The following ZNF771 variants were observed in gnomAD, a reference collection of about 807,000 sequenced individuals.
The protein encoded by ZNF771 is zinc finger protein 771, also known as mesenchymal stem cell protein DSC43.
A neutral mutation model predicts 27.6 loss-of-function variants in ZNF771; 10 were observed. The observed-to-expected ratio is 0.36, with a 90% CI of 0.22 to 0.61. The LOEUF (loss-of-function observed/expected upper bound fraction) is 0.61. Ranked by LOEUF, ZNF771 falls within the 20% of genes least tolerant of loss-of-function variation. The pLI, the probability that ZNF771 is intolerant of heterozygous loss-of-function variation, is 0.70. For synonymous variants in ZNF771, 261 were observed against 225.2 expected, an observed-to-expected ratio of 1.16 and a Z score of -1.43; for missense variants, 438 against 503.7, an observed-to-expected ratio of 0.87 and a Z score of 1.25.
chr16:30,410,378 G>C (rs984788704), intron 2 of ZNF771, among the ~76,000 whole-genome samples: 4 of 152,154 alleles, frequency 2.6e-5, no homozygotes, highest in African/African-American at 9.7e-5. Flanking sequence ...TGGGATTACA[G>C]GCGTGAGCCA....
At position 30,417,876 on chromosome 16, in the gene ZNF771, C is replaced by T. The variant is rs866202052; in HGVS notation, c.463C>T (p.Arg155Cys). 10 of 1,509,962 alleles carry T rather than the reference C, an allele frequency of 6.6e-6. No individual in the cohort carries two copies. Among genetic ancestry groups the T allele is most frequent in the Non-Finnish European group, 8.8e-6 (10 of 1,138,072 alleles). 93.5% of individuals were successfully genotyped at this position (1,509,962 alleles called of 1,614,324 possible). Reference protein sequence around the residue: ...KPYACAHCGRRFAQSSNYAQH... With the variant: ...KPYACAHCGRCFAQSSNYAQH... ...GTACGCATGCGCGCACTGCGGCCGC[C>T]GCTTCGCGCAGAGCTCCAACTACGC... The change falls in exon 3 of 3, where the codon CGC becomes TGC. Residue 155 changes from arginine (R) to cysteine (C), a missense_variant. Arg to Cys is a radical substitution (Grantham distance 180). Coordinates refer to ENST00000319296, the MANE Select transcript of ZNF771 (RefSeq NM_001142305.2).
At chr16:30,415,201 G>T (rs2050127152) in intron 2 of ZNF771, among the ~76,000 whole-genome samples, 1 of 150,556 alleles carries the variant, frequency 6.6e-6, no homozygotes, top group African/African-American at 2.4e-5. Flanking sequence ...CAAGTGATCC[G>T]CCCACCTCGA....
Position 30,417,587 on chromosome 16 carries a change from C to G in ZNF771, c.174C>G (p.Asp58Glu). Residue 58 changes from aspartate to glutamate, a missense_variant, in exon 3 of 3, where the codon GAC (aspartate) becomes GAG (glutamate). Asp to Glu is a conservative substitution (Grantham distance 45). Transcript: ENST00000319296. The stretch of plus-strand genomic sequence containing the variant: ...GCGAGGCGCCCGCGCCGTCCGCCGA[C>G]CCGGCGCGTCCCCACGCGTGCCCCG... The part of the protein sequence containing the change: ...VPGEAPAPSA[D>E]PARPHACPDC... 1 of 1,234,854 alleles carries G rather than the reference C, an allele frequency of 8.1e-7. No individual in the cohort carries two copies. The highest frequency in any genetic ancestry group is 1.0e-6 in the Non-Finnish European group (1 of 991,816). The allele number at this position is 1,234,854 out of a possible 1,614,324, so 76.5% of individuals were successfully genotyped here.
chr16:30,418,275 A>C lies in ZNF771; in HGVS notation c.862A>C (p.Ile288Leu). Residue 288 changes from isoleucine to leucine, a missense_variant, in exon 3 of 3, where the codon ATT (isoleucine) becomes CTT (leucine). Ile to Leu is a conservative substitution (Grantham distance 5). This residue lies in a region of ZNF771 where 305 missense variants were observed against 308.0 expected (regional missense o/e 0.99). Coordinates refer to ENST00000319296, the MANE Select transcript of ZNF771 (RefSeq NM_001142305.2). ...RRAHMRRRLY[I>L]CAGCGRDFKL... ...CGCGCACATGCGGCGCCGCCTGTAT[A>C]TTTGCGCCGGCTGCGGCAGGGACTT... 1.3e-6 allele frequency: 2 copies of C among 1,509,154 alleles called. No individual in the cohort carries two copies. Among genetic ancestry groups the C allele is most frequent in the Non-Finnish European group, 1.8e-6 (2 of 1,135,254 alleles). The allele number at this position is 1,509,154 out of a possible 1,614,324, so 93.5% of individuals were successfully genotyped here. A position where few individuals can be genotyped will look rare whatever the true frequency, so the allele number is the denominator to read the frequency against.
In ZNF771 at chr16:30,417,623, C is replaced by G; in HGVS notation, c.210C>G (p.Arg70=). 1 of 1,323,984 alleles carries G rather than the reference C, an allele frequency of 7.6e-7. No homozygotes were observed. Among genetic ancestry groups the G allele is most frequent in the Non-Finnish European group, 9.6e-7 (1 of 1,041,152 alleles). 82.0% of individuals were successfully genotyped at this position (1,323,984 alleles called of 1,614,324 possible). The part of the protein sequence containing the change: ...ARPHACPDCG[R]AFARRSTLAK... The stretch of plus-strand genomic sequence containing the variant: ...CCCACGCGTGCCCCGACTGCGGCCG[C>G]GCCTTCGCGCGCCGCTCCACGCTGG... Residue 70 remains arginine, a synonymous_variant, in exon 3 of 3, where the codon CGC becomes CGG. Coordinates refer to ENST00000319296, the MANE Select transcript of ZNF771 (RefSeq NM_001142305.2).
Position 30,418,258 on chromosome 16 carries a change from T to G in ZNF771, c.845T>G (p.Met282Arg). ...TTCATTCGCCACCGACGCGCGCACA[T>G]GCGGCGCCGCCTGTATATTTGCGCC... ...SHFIRHRRAH[M>R]RRRLYICAGC... is the part of the protein sequence containing the mutation. Residue 282 changes from methionine to arginine, a missense_variant, in exon 3 of 3, where the codon ATG (methionine) becomes AGG (arginine). Physicochemically the swap from Met to Arg is moderately conservative, Grantham distance 91 (BLOSUM62 -1). Around this residue, in one of 3 missense-constraint regions of ZNF771, gnomAD observed 305 missense variants for 308.0 expected, o/e 0.99. Transcript: ENST00000319296. 2.6e-6 allele frequency: 4 copies of G among 1,512,426 alleles called. No homozygotes were observed. Among genetic ancestry groups the G allele is most frequent in the Non-Finnish European group, 8.8e-7 (1 of 1,137,176 alleles). The allele number at this position is 1,512,426 out of a possible 1,614,324, so 93.7% of individuals were successfully genotyped here. A position where few individuals can be genotyped will look rare whatever the true frequency, so the allele number is the denominator to read the frequency against.
intron 2 of ZNF771, among the ~76,000 whole-genome samples, chr16:30,411,908 G>T (rs1185870695): frequency 6.6e-6 from 1 of 152,176 alleles, no homozygotes; most frequent in Non-Finnish European, 1.5e-5. Context: ...GCAGGGGCTG[G>T]AGTATTCTCC....
chr16:30,407,906 G>A (rs964021310), intron 1 of ZNF771, 139 bp from the exon 2 acceptor site: 1 of 608,516 alleles, frequency 1.6e-6, no homozygotes, highest in South Asian at 2.0e-5. Flanking sequence ...GGGGTGGACG[G>A]GAGAGGACCA....
chr16:30,407,987 C>CGGGGGGGGGG lies in ZNF771; in HGVS notation c.-9-56_-9-47dup, dbSNP rs1205134281. 33 of 719,818 alleles carry CGGGGGGGGGG rather than the reference C, an allele frequency of 4.6e-5. No homozygotes were observed. In the African/African-American group the frequency reaches 5.8e-4, roughly 13 times the overall value. 44.6% of individuals were successfully genotyped at this position (719,818 alleles called of 1,614,324 possible). A position where few individuals can be genotyped will look rare whatever the true frequency, so the allele number is the denominator to read the frequency against. Reference sequence around the variant, plus strand: ...CTTGCTGGGCCAGGGCCACGGTGGGCGGGGGGGGGGGTGGGGGGGGGCGGG... The same window carrying CGGGGGGGGGG: ...CTTGCTGGGCCAGGGCCACGGTGGGCGGGGGGGGGGGGGGGGGGGGGTGGGGGGGGGCGGG... On this transcript the variant is annotated intron_variant, in intron 1 of 2. Transcript: ENST00000319296.
chr16:30,417,547 C>G lies in ZNF771; in HGVS notation c.142-8C>G. 8.2e-7 allele frequency: 1 copy of G among 1,217,138 alleles called. No individual in the cohort carries two copies. The highest frequency in any genetic ancestry group is 3.4e-5 in the East Asian group (1 of 29,714). The allele number at this position is 1,217,138 out of a possible 1,614,324, so 75.4% of individuals were successfully genotyped here. A position where few individuals can be genotyped will look rare whatever the true frequency, so the allele number is the denominator to read the frequency against. ...GCTAAGGGCTGACCTATCCCCCTCT[C>G]CCCGCAGGTCCCGGGCGAGGCGCCC... On this transcript the variant is annotated splice_polypyrimidine_tract_variant and splice_region_variant and intron_variant, in intron 2 of 2. Coordinates refer to ENST00000319296, the MANE Select transcript of ZNF771 (RefSeq NM_001142305.2).
chr16:30,418,076 C>G lies in ZNF771; in HGVS notation c.663C>G (p.His221Gln). ...RFAQSSALAK[H>Q]RRVHTGEKPH... ...CTCAGAGCTCGGCGCTGGCCAAGCA[C>G]CGGCGCGTGCACACGGGCGAGAAGC... Residue 221 changes from histidine to glutamine, a missense_variant, in exon 3 of 3, where the codon CAC becomes CAG. By Grantham distance (24) the His-to-Gln change is conservative (BLOSUM62 0). Around this residue, in one of 3 missense-constraint regions of ZNF771, gnomAD observed 305 missense variants for 308.0 expected, o/e 0.99. Transcript: ENST00000319296. The G allele has an allele frequency of 6.8e-7, 1 of 1,477,594 alleles. No homozygotes were observed. The highest frequency in any genetic ancestry group is 8.9e-7 in the Non-Finnish European group (1 of 1,122,006). 91.5% of individuals were successfully genotyped at this position (1,477,594 alleles called of 1,614,324 possible).
Position 30,417,974 on chromosome 16 carries a change from C to A in ZNF771, c.561C>A (p.Ser187Arg). 1 of 1,487,938 alleles carries A rather than the reference C, an allele frequency of 6.7e-7. No individual in the cohort carries two copies. Among genetic ancestry groups the A allele is most frequent in the Admixed American group, 2.4e-5 (1 of 42,278 alleles). 92.2% of individuals were successfully genotyped at this position (1,487,938 alleles called of 1,614,324 possible). ...CPDCGRAFGG[S>R]SCLARHRRTH... ...ACTGCGGACGCGCCTTTGGCGGCAG[C>A]TCGTGCCTGGCGCGCCACCGACGCA... The change falls in exon 3 of 3, where the codon AGC (serine) becomes AGA (arginine). Residue 187 changes from serine (S) to arginine (R), a missense_variant. Physicochemically the swap from Ser to Arg is moderately radical, Grantham distance 110 (BLOSUM62 -1). This residue lies in a region of ZNF771 where 305 missense variants were observed against 308.0 expected (regional missense o/e 0.99). Transcript: ENST00000319296.
intron 2 of ZNF771, among the ~76,000 whole-genome samples, chr16:30,411,745 T>G (rs1377225264): frequency 6.6e-6 from 1 of 152,114 alleles, no homozygotes; most frequent in Non-Finnish European, 1.5e-5. Context: ...GGGTGCTCGA[T>G]CGTTAGCTTG....
intron 2 of ZNF771, among the ~76,000 whole-genome samples, chr16:30,415,382 C>CTTTTTT (rs397854803): frequency 7.6e-6 from 1 of 132,218 alleles, no homozygotes; most frequent in Non-Finnish European, 1.6e-5. Context: ...TGCTGTCACC[C>CTTTTTT]TTTTTTTTTT....
chr16:30,417,379 T>C (rs573300529), intron 2 of ZNF771, among the ~76,000 whole-genome samples, 176 bp from the exon 3 acceptor site: 10 of 152,374 alleles, frequency 6.6e-5, no homozygotes, highest in African/African-American at 2.2e-4. Flanking sequence ...TTGTGATGTG[T>C]GCGTTACGCG....
chr16:30,408,230 C>A, intron 2 of ZNF771, 36 bp downstream of exon 2: 1 of 1,613,088 alleles, frequency 6.2e-7, no homozygotes, highest in East Asian at 2.2e-5. Context: ...ACACTGTCCC[C>A]AAACCTGGTC....
At position 30,417,727 on chromosome 16, in the gene ZNF771, C is replaced by T; in HGVS notation, c.314C>T (p.Ala105Val). 1 of 1,403,548 alleles carries T rather than the reference C, an allele frequency of 7.1e-7. No homozygotes were observed. The highest frequency in any genetic ancestry group is 9.2e-7 in the Non-Finnish European group (1 of 1,083,812). The allele number at this position is 1,403,548 out of a possible 1,614,324, so 86.9% of individuals were successfully genotyped here. A position where few individuals can be genotyped will look rare whatever the true frequency, so the allele number is the denominator to read the frequency against. Residue 105 changes from alanine to valine, a missense_variant, in exon 3 of 3, where the codon GCG (alanine) becomes GTG (valine). Physicochemically the swap from Ala to Val is moderately conservative, Grantham distance 64. Around this residue, in one of 3 missense-constraint regions of ZNF771, gnomAD observed 49 missense variants for 106.5 expected, o/e 0.46. Coordinates refer to ENST00000319296, the MANE Select transcript of ZNF771 (RefSeq NM_001142305.2). ...ECGRRFSQKSALTKHGRTHTG... is the reference protein window; with the variant it reads ...ECGRRFSQKSVLTKHGRTHTG... ...GGGCGGCGCTTCTCACAGAAGTCGG[C>T]GCTGACCAAACACGGCCGCACGCAC...
Position 30,417,829 on chromosome 16 carries a change from G to C in ZNF771, c.416G>C (p.Arg139Pro). Reference sequence around the variant, plus strand: ...GCCTCGAACCTGCGGCAGCACCGGCGGCGGCACACGGGCGAGAAGCCGTAC... The same window carrying C: ...GCCTCGAACCTGCGGCAGCACCGGCCGCGGCACACGGGCGAGAAGCCGTAC... ...SAASNLRQHR[R>P]RHTGEKPYAC... Residue 139 changes from arginine (R) to proline (P), a missense_variant, in exon 3 of 3, where the codon CGG becomes CCG. Transcript: ENST00000319296. 1 of 1,498,298 alleles carries C rather than the reference G, an allele frequency of 6.7e-7. No individual in the cohort carries two copies. The highest frequency in any genetic ancestry group is 8.8e-7 in the Non-Finnish European group (1 of 1,131,760). The allele number at this position is 1,498,298 out of a possible 1,614,324, so 92.8% of individuals were successfully genotyped here. A position where few individuals can be genotyped will look rare whatever the true frequency, so the allele number is the denominator to read the frequency against.
chr16:30,409,238 A>C (rs995049831), intron 2 of ZNF771, among the ~76,000 whole-genome samples: 7 of 152,148 alleles, frequency 4.6e-5, no homozygotes, highest in Admixed American at 4.6e-4. Flanking sequence ...AGCCTCCCAA[A>C]GTGCTGGGAT....
Sources: allele counts gnomAD v4.1 joint callset (sites outside exome capture counted in the v4.1 genomes callset), GRCh38; gene constraint gnomAD v4.1.1; regional missense constraint gnomAD v4.1.1; transcripts MANE v1.5; gene names NCBI Gene and HGNC (gene_info 2026-07-23, HGNC 2026-07-21).